Variants in TVP23C observed in about 807,000 individuals in gnomAD.
TVP23C encodes Golgi apparatus membrane protein TVP23 homolog C.
TVP23C carries 19 observed loss-of-function variants against 28.7 expected under a neutral mutation model. The ratio of observed to expected loss-of-function variants is 0.66; its 90% CI spans 0.46 to 0.97. The LOEUF (loss-of-function observed/expected upper bound fraction) is 0.97. Among genes scored for constraint, TVP23C ranks in the 50% least tolerant of loss-of-function variants. TVP23C has a pLI of 0.00. For missense variants in TVP23C, 186 were observed against 241.3 expected (o/e 0.77, Z 1.52); for synonymous variants, 68 against 81.7 (o/e 0.83, Z 0.90).
Position 15,539,433 on chromosome 17 carries a change from C to T in TVP23C, c.*979G>A, listed in dbSNP as rs1328516316. 2.2e-6 allele frequency: 1 copy of T among 454,114 alleles called. No individual in the cohort carries two copies. The highest frequency in any genetic ancestry group is 2.1e-5 in the African/African-American group (1 of 46,766). The allele number at this position is 454,114 out of a possible 1,614,324, so 28.1% of individuals were successfully genotyped here. The stretch of plus-strand genomic sequence containing the variant: ...CCATCCTGGCTAACACGGTGAAACC[C>T]CGTCTCTACTAAAAATACAAAAAAG... On this transcript the variant is annotated 3_prime_UTR_variant, in exon 6 of 6. Transcript: ENST00000518321.
Position 15,545,865 on chromosome 17 carries a change from A to C in TVP23C, c.382T>G (p.Trp128Gly), listed in dbSNP as rs1983624435. ...TVSEAESRIF[W>G]LGLIACSVLW... ...ACTGAACAGGCAATAAGTCCCAACC[A>C]AAAGATTCTTGATTCAGCCTCTGAC... The change falls in exon 5 of 6, where the codon TGG becomes GGG. Residue 128 changes from tryptophan to glycine, a missense_variant. Around this residue, in one of 3 missense-constraint regions of TVP23C, gnomAD observed 74 missense variants for 96.0 expected, o/e 0.77. Coordinates refer to ENST00000518321, the MANE Select transcript of TVP23C (RefSeq NM_001135036.2). 6.2e-7 allele frequency: 1 copy of C among 1,614,162 alleles called. No individual in the cohort carries two copies. The highest frequency in any genetic ancestry group is 8.5e-7 in the Non-Finnish European group (1 of 1,179,986).
chr17:15,526,726 A>G (rs1414804176), intron 5 of TVP23C, among the ~76,000 whole-genome samples: 1 of 152,206 alleles, frequency 6.6e-6, no homozygotes, highest in Non-Finnish European at 1.5e-5. Flanking sequence ...CTAGAGGACC[A>G]AGTGCAAGCT....
chr17:15,503,331 G>C (rs558049472), intron 5 of TVP23C: 2 of 1,396,104 alleles, frequency 1.4e-6, no homozygotes, highest in East Asian at 2.5e-5. Flanking sequence ...CTTCAGCCCA[G>C]GAAGTCGAAG....
chr17:15,508,638 T>C (rs1567629657), intron 5 of TVP23C, among the ~76,000 whole-genome samples: 1 of 152,218 alleles, frequency 6.6e-6, no homozygotes, highest in African/African-American at 2.4e-5. Flanking sequence ...TCCACCACCT[T>C]ACTGAGTCAC....
At chr17:15,502,598 G>A (rs1022964634) in exon 6 of TVP23C, 5 of 456,096 alleles carry the variant, frequency 1.1e-5, no homozygotes, top group Non-Finnish European at 1.8e-5. Flanking sequence ...CCACAAAGCA[G>A]GCGTGCTGGG....
Position 15,539,147 on chromosome 17 carries a change from A to G in TVP23C, c.*1265T>C, listed in dbSNP as rs1983290882. The G allele has an allele frequency of 1.5e-5, 14 of 948,220 alleles. No homozygotes were observed. The highest frequency in any genetic ancestry group is 1.5e-5 in the Non-Finnish European group (12 of 796,282). 58.7% of individuals were successfully genotyped at this position (948,220 alleles called of 1,614,324 possible). On this transcript the variant is annotated 3_prime_UTR_variant, in exon 6 of 6. Coordinates refer to ENST00000518321, the MANE Select transcript of TVP23C (RefSeq NM_001135036.2). The stretch of plus-strand genomic sequence containing the variant: ...AAACTTGGGAGAAATGCAAATTATG[A>G]GACTCCACCCCCAGATCTACTGAAT...
At chr17:15,533,557 C>A (rs1307690855), downstream of TVP23C, among the ~76,000 whole-genome samples, 1 of 152,166 alleles carries the variant, frequency 6.6e-6, no homozygotes, top group Non-Finnish European at 1.5e-5. Flanking sequence ...GAGTTATAAT[C>A]TAAGCTCAAA....
chr17:15,506,879 C>A lies in TVP23C; in HGVS notation c.463-3647G>T, dbSNP rs1429897093. ...ACACTATCAGCCGTGGTCAACCCCA[C>A]CATGTTCTTCAACATCGCCATCAAC... On this transcript the variant is annotated intron_variant, in intron 5 of 5. Transcript: ENST00000225576. 5.0e-6 allele frequency: 4 copies of A among 795,224 alleles called. No individual in the cohort carries two copies. In the Admixed American group the frequency reaches 7.3e-5, roughly 15 times the overall value. The allele number at this position is 795,224 out of a possible 1,614,324, so 49.3% of individuals were successfully genotyped here. A position where few individuals can be genotyped will look rare whatever the true frequency, so the allele number is the denominator to read the frequency against.
intron 3 of TVP23C, among the ~76,000 whole-genome samples, chr17:15,552,063 T>G (rs1983918092): frequency 6.6e-6 from 1 of 152,188 alleles, no homozygotes; most frequent in African/African-American, 2.4e-5. Context: ...AATAAACTAT[T>G]TTGATCGCAT....
At chr17:15,516,993 A>G (rs78398179) in intron 5 of TVP23C, among the ~76,000 whole-genome samples, 2,928 of 152,302 alleles carry the variant, frequency 0.019, 100 homozygotes, top group African/African-American at 0.064. Context: ...AATCATATCT[A>G]TTCAAGTGGT....
At chr17:15,557,750 G>A (rs1478697087) in intron 1 of TVP23C, among the ~76,000 whole-genome samples, 1 of 141,268 alleles carries the variant, frequency 7.1e-6, no homozygotes, top group South Asian at 2.5e-4. Flanking sequence ...GTGCAAATGG[G>A]AGCCAGGGAA....
downstream of TVP23C, among the ~76,000 whole-genome samples, chr17:15,533,357 C>A (rs1349944335): frequency 6.6e-6 from 1 of 152,210 alleles, no homozygotes; most frequent in Non-Finnish European, 1.5e-5. Flanking sequence ...ACTACAAATG[C>A]AGACTACTGC....
chr17:15,553,177 A>T (rs763435), intron 3 of TVP23C, among the ~76,000 whole-genome samples: 20,430 of 99,474 alleles, frequency 0.21, 2,880 homozygotes, highest in East Asian at 0.4. Context: ...ACCAAAAACA[A>T]TTTTGGACAC....
chr17:15,541,687 AAAG>A (rs1446949049), intron 5 of TVP23C, among the ~76,000 whole-genome samples: 126 of 152,360 alleles, frequency 8.3e-4, no homozygotes, highest in African/African-American at 2.8e-3. Flanking sequence ...ATTCCTAGTA[AAAG>A]AAGAGGAGGT....
chr17:15,541,664 T>C (rs1438193655), intron 5 of TVP23C, among the ~76,000 whole-genome samples: 3 of 152,244 alleles, frequency 2.0e-5, no homozygotes, highest in South Asian at 4.1e-4. Flanking sequence ...GTTTGATTAA[T>C]GAACAGGTTC....
chr17:15,535,922 T>C (rs1426984642), downstream of TVP23C, among the ~76,000 whole-genome samples: 2 of 152,188 alleles, frequency 1.3e-5, no homozygotes, highest in Non-Finnish European at 2.9e-5. Context: ...CCAGATACGA[T>C]GGCTCACGCC....
chr17:15,540,226 T>C lies in TVP23C; in HGVS notation c.*186A>G, dbSNP rs1198368325. On this transcript the variant is annotated 3_prime_UTR_variant, in exon 6 of 6. Coordinates refer to ENST00000518321, the MANE Select transcript of TVP23C (RefSeq NM_001135036.2). ...GTTATTATCAATGATAGTTTATCCT[T>C]CCTGGCTTTAAAATAATTTTAGGAT... The C allele has an allele frequency of 1.6e-6, 2 of 1,274,442 alleles. No individual in the cohort carries two copies. Among genetic ancestry groups the C allele is most frequent in the African/African-American group, 3.1e-5 (2 of 64,578 alleles). 78.9% of individuals were successfully genotyped at this position (1,274,442 alleles called of 1,614,324 possible).
At chr17:15,512,931 T>C (rs76335964) in intron 5 of TVP23C, among the ~76,000 whole-genome samples, 1,862 of 152,276 alleles carry the variant, frequency 0.012, 35 homozygotes, top group African/African-American at 0.042. Context: ...ATGGGCTATG[T>C]AGGACCTTAG....
At chr17:15,547,512 T>C (rs1214850825) in intron 3 of TVP23C, among the ~76,000 whole-genome samples, 1 of 152,242 alleles carries the variant, frequency 6.6e-6, no homozygotes, top group Non-Finnish European at 1.5e-5. Context: ...ATTTTACAAC[T>C]ACATATCCCT....
Sources: gnomAD v4.1 joint callset for allele counts (sites outside exome capture counted in the v4.1 genomes callset) on GRCh38, gnomAD v4.1.1 for gene constraint, gnomAD v4.1.1 regional missense constraint, MANE v1.5 for transcripts, NCBI Gene and HGNC (gene_info 2026-07-23, HGNC 2026-07-21) for gene names.